HTR4: variants seen among roughly 807,000 people sequenced by gnomAD.
The protein encoded by HTR4 is 5-hydroxytryptamine receptor 4, also known as 5-hydroxytryptamine (serotonin) receptor 4, G protein-coupled.
A neutral mutation model predicts 36.8 loss-of-function variants in HTR4; 16 were observed. The observed-to-expected ratio is 0.43, with a 90% CI of 0.29 to 0.66. The LOEUF (loss-of-function observed/expected upper bound fraction) is 0.66. Ranked by LOEUF, HTR4 falls within the 30% of genes least tolerant of loss-of-function variation. HTR4 has a pLI of 0.13. For synonymous variants in HTR4, 189 were observed against 185.1 expected (o/e 1.02, Z -0.17); for missense variants, 438 against 490.9 (o/e 0.89, Z 1.02).
intron 2 of HTR4, chr5:148,629,477 G>C (rs187907841): frequency 1.4e-4 from 21 of 152,268 alleles, no homozygotes; most frequent in Admixed American, 7.2e-4. Context: ...TAAAGTCCAG[G>C]GGGAAGCTTT....
intron 1 of HTR4, among the ~76,000 whole-genome samples, chr5:148,638,554 C>G (rs1753624603): frequency 1.3e-5 from 2 of 152,068 alleles, no homozygotes; most frequent in South Asian, 4.1e-4. Flanking sequence ...CAGGTGTAGA[C>G]AGTGCCCATC....
intron 2 of HTR4, among the ~76,000 whole-genome samples, chr5:148,627,023 C>T (rs983091598): frequency 2.6e-5 from 4 of 152,196 alleles, no homozygotes; most frequent in Admixed American, 6.5e-5. Context: ...TCATGCAATT[C>T]ATCATGATCT....
Position 148,549,987 on chromosome 5 carries a change from C to T in HTR4, c.152+150G>A, listed in dbSNP as rs73797912. On this transcript the variant is annotated intron_variant, in intron 3 of 6. Transcript: ENST00000377888. ...TTAGAGTTGTAGGATTAATTGCAAT[C>T]CCTTTTTCTCCCCTTTTATTTTTAA... 4.3e-3 allele frequency: 3,145 copies of T among 724,414 alleles called. 74 individuals carry two copies. The African/African-American group carries it at 0.05, about 12-fold the overall frequency. The allele number at this position is 724,414 out of a possible 1,614,324, so 44.9% of individuals were successfully genotyped here.
intron 2 of HTR4, among the ~76,000 whole-genome samples, chr5:148,609,505 G>A (rs976208778): frequency 4.6e-5 from 7 of 151,904 alleles, no homozygotes; most frequent in African/African-American, 1.7e-4. Context: ...GAAAAATGGT[G>A]ATGTGGATTT....
chr5:148,586,956 G>T (rs1439629434), intron 2 of HTR4, among the ~76,000 whole-genome samples: 1 of 151,994 alleles, frequency 6.6e-6, no homozygotes, highest in East Asian at 1.9e-4. Flanking sequence ...TTTTATCTGG[G>T]GCTGCACTCT....
intron 2 of HTR4, among the ~76,000 whole-genome samples, chr5:148,569,616 C>T (rs565042778): frequency 1.3e-5 from 2 of 150,104 alleles, no homozygotes; most frequent in East Asian, 2.0e-4. Flanking sequence ...TTTTATTGTA[C>T]AGAAGTTGTG....
chr5:148,578,321 A>T (rs1761005676), intron 2 of HTR4, among the ~76,000 whole-genome samples: 1 of 152,048 alleles, frequency 6.6e-6, no homozygotes, highest in Non-Finnish European at 1.5e-5. Context: ...AGGAAAAAAA[A>T]TTCAAATATT....
chr5:148,542,605 T>C (rs575688640), intron 4 of HTR4, among the ~76,000 whole-genome samples: 23 of 152,292 alleles, frequency 1.5e-4, no homozygotes, highest in African/African-American at 4.8e-4. Flanking sequence ...TGCAGTACTA[T>C]AGAGAATACT....
At chr5:148,564,723 A>C (rs562755930) in intron 2 of HTR4, among the ~76,000 whole-genome samples, 1 of 152,314 alleles carries the variant, frequency 6.6e-6, no homozygotes, top group South Asian at 2.1e-4. Context: ...TCTCCAGAGA[A>C]TATCAGAAGC....
intron 5 of HTR4, among the ~76,000 whole-genome samples, chr5:148,452,744 T>C (rs1419021825): frequency 2.6e-5 from 4 of 152,124 alleles, no homozygotes; most frequent in Non-Finnish European, 5.9e-5. Context: ...CAAGGGGATG[T>C]GACATACAGA....
intron 2 of HTR4, among the ~76,000 whole-genome samples, chr5:148,565,807 A>C (rs1760411146): frequency 2.0e-5 from 3 of 152,180 alleles, no homozygotes; most frequent in Admixed American, 6.5e-5. Context: ...CCCTCTATCC[A>C]CTACTTCTCC....
intron 1 of HTR4, among the ~76,000 whole-genome samples, chr5:148,644,522 A>G (rs576938669): frequency 7.1e-6 from 1 of 140,796 alleles, no homozygotes; most frequent in Admixed American, 7.8e-5. Context: ...CTAAATGCAC[A>G]TTGTTAATTT....
intron 2 of HTR4, among the ~76,000 whole-genome samples, chr5:148,609,831 A>G (rs1161530381): frequency 6.6e-6 from 1 of 151,910 alleles, no homozygotes; most frequent in Admixed American, 6.6e-5. Context: ...CTCCCAAAGT[A>G]CTGGGATTAC....
At chr5:148,588,556 T>C (rs1297672336) in intron 2 of HTR4, among the ~76,000 whole-genome samples, 3 of 136,262 alleles carry the variant, frequency 2.2e-5, no homozygotes, top group East Asian at 2.2e-4. Flanking sequence ...TTTTTTGAGA[T>C]GGAGTCTCGC....
At chr5:148,559,496 C>A (rs1236115767) in intron 2 of HTR4, among the ~76,000 whole-genome samples, 1 of 152,058 alleles carries the variant, frequency 6.6e-6, no homozygotes, top group Non-Finnish European at 1.5e-5. Context: ...TTCCTTATAA[C>A]AAATAACCTG....
chr5:148,595,439 T>C (rs1378002239), intron 2 of HTR4, among the ~76,000 whole-genome samples: 1 of 152,128 alleles, frequency 6.6e-6, no homozygotes, highest in Non-Finnish European at 1.5e-5. Context: ...TCCCATGTCA[T>C]CTGCTTCATC....
intron 6 of HTR4, among the ~76,000 whole-genome samples, chr5:148,503,960 T>C (rs187429160): frequency 3.3e-5 from 5 of 152,300 alleles, no homozygotes; most frequent in African/African-American, 9.6e-5. Flanking sequence ...TAAATAGATA[T>C]GCACCCAATA....
chr5:148,513,197 C>T (rs1054975536), intron 5 of HTR4, among the ~76,000 whole-genome samples: 1 of 152,010 alleles, frequency 6.6e-6, no homozygotes, highest in Non-Finnish European at 1.5e-5. Context: ...CATTGTGTGG[C>T]TCAGACTGGT....
downstream of HTR4, among the ~76,000 whole-genome samples, chr5:148,476,169 T>C (rs1755688498): frequency 6.6e-6 from 1 of 152,226 alleles, no homozygotes; most frequent in South Asian, 2.1e-4. Flanking sequence ...TCTCACTGGG[T>C]CCATTCTACA....
Sources: allele counts gnomAD v4.1 joint callset (sites outside exome capture counted in the v4.1 genomes callset), GRCh38; gene constraint gnomAD v4.1.1; transcripts MANE v1.5; gene names NCBI Gene and HGNC (gene_info 2026-07-23, HGNC 2026-07-21).